NALF1: variants seen among roughly 807,000 people sequenced by gnomAD.
NALF1 encodes NALCN channel auxiliary factor 1, also known as family with sequence similarity 155 member A.
A neutral mutation model predicts 48.4 loss-of-function variants in NALF1; 3 were observed. That is an observed-to-expected ratio of 0.06 (90% CI 0.03 to 0.16). The LOEUF (loss-of-function observed/expected upper bound fraction) is 0.16, where lower values mean the gene tolerates loss of function less well. Ranked by LOEUF, NALF1 falls within the 10% of genes least tolerant of loss-of-function variation. The probability of loss-of-function intolerance (pLI) is 1.00; values close to 1 mark genes in which losing one functional copy is unlikely to be tolerated. For missense variants in NALF1, 526 were observed against 571.5 expected (o/e 0.92, Z 0.81); for synonymous variants, 262 against 245.7 (o/e 1.07, Z -0.62).
chr13:107,330,495 T>C (rs1006064197), intron 1 of NALF1, among the ~76,000 whole-genome samples: 2 of 152,232 alleles, frequency 1.3e-5, no homozygotes, highest in African/African-American at 4.8e-5. Context: ...TCTTGGTAGC[T>C]ATTAAAGTAG....
intron 1 of NALF1, among the ~76,000 whole-genome samples, chr13:107,334,619 C>A (rs1412357379): frequency 6.6e-6 from 1 of 152,146 alleles, no homozygotes; most frequent in East Asian, 1.9e-4. Flanking sequence ...AAAGTTTTTT[C>A]TTGGTAGAAA....
At chr13:107,174,418 C>A (rs1439940738) in intron 2 of NALF1, among the ~76,000 whole-genome samples, 1 of 151,418 alleles carries the variant, frequency 6.6e-6, no homozygotes, top group Admixed American at 6.6e-5. Flanking sequence ...CTCGGTGGTG[C>A]AATCTCAGCT....
intron 1 of NALF1, among the ~76,000 whole-genome samples, chr13:107,347,683 A>T (rs1882799522): frequency 6.6e-6 from 1 of 152,206 alleles, no homozygotes. Context: ...CAAAAGAAAA[A>T]GTCTGTGTTA....
At chr13:107,522,014 G>A (rs991327879) in intron 1 of NALF1, among the ~76,000 whole-genome samples, 14 of 151,646 alleles carry the variant, frequency 9.2e-5, no homozygotes, top group African/African-American at 3.1e-4. Flanking sequence ...ATCTTACTAG[G>A]TCCCTATCTT....
chr13:107,343,401 G>A (rs529497872), intron 1 of NALF1, among the ~76,000 whole-genome samples: 32 of 152,240 alleles, frequency 2.1e-4, no homozygotes, highest in African/African-American at 7.5e-4. Flanking sequence ...ATGGGGGGCA[G>A]GTCTTTCCCA....
Position 107,783,561 on chromosome 13 carries a change from A to AC in NALF1, c.915+82120dup, listed in dbSNP as rs961591360. ...TGGGATCCTGTTGATCTGTGACCTT[A>AC]CCCCCCAACCTTGTGCTCTCTGAAA... On this transcript the variant is annotated intron_variant, in intron 1 of 2. Transcript: ENST00000375915. Among the ~76,000 whole-genome samples the AC allele has an allele frequency of 5.9e-4, 90 of 152,030 alleles. 1 individual carries two copies. Among genetic ancestry groups the AC allele is most frequent in the Middle Eastern group, 3.4e-3 (1 of 294 alleles).
intron 1 of NALF1, among the ~76,000 whole-genome samples, chr13:107,517,769 A>G (rs1268077574): frequency 1.3e-5 from 2 of 152,146 alleles, no homozygotes; most frequent in African/African-American, 4.8e-5. Flanking sequence ...AGCCTGGCCA[A>G]TGTGGCGAAA....
intron 2 of NALF1, among the ~76,000 whole-genome samples, chr13:107,174,498 G>A (rs1268486077): frequency 2.0e-5 from 3 of 151,884 alleles, no homozygotes; most frequent in Non-Finnish European, 4.4e-5. Flanking sequence ...TGGAACTACA[G>A]GCTCCCGCCA....
At chr13:107,256,902 G>A (rs1446664978) in intron 1 of NALF1, among the ~76,000 whole-genome samples, 2 of 152,168 alleles carry the variant, frequency 1.3e-5, no homozygotes, top group African/African-American at 4.8e-5. Flanking sequence ...GCTTAGGGAT[G>A]CATCTAAGTC....
At chr13:107,415,948 ACT>A (rs1195292987) in intron 1 of NALF1, among the ~76,000 whole-genome samples, 2 of 152,126 alleles carry the variant, frequency 1.3e-5, no homozygotes, top group Non-Finnish European at 2.9e-5. Context: ...GTTTTCTACA[ACT>A]ATATTTGTCC....
chr13:107,498,712 T>C (rs1235897056), intron 1 of NALF1, among the ~76,000 whole-genome samples: 1 of 152,158 alleles, frequency 6.6e-6, no homozygotes, highest in Non-Finnish European at 1.5e-5. Flanking sequence ...AAGTATTAAG[T>C]AGGAGTTTGA....
intron 1 of NALF1, among the ~76,000 whole-genome samples, chr13:107,298,642 G>T (rs2138890092): frequency 6.6e-6 from 1 of 151,992 alleles, no homozygotes; most frequent in South Asian, 2.1e-4. Flanking sequence ...ATGGTGGTCA[G>T]GCTTGTCTCG....
In NALF1 at chr13:107,799,818, G is replaced by A. The variant is rs1056338595; in HGVS notation, c.915+65864C>T. On this transcript the variant is annotated intron_variant, in intron 1 of 2. Coordinates refer to ENST00000375915, the MANE Select transcript of NALF1 (RefSeq NM_001080396.3). ...TTTTTCAGGTTCCCTTTACTTTGTAGAGGAAGGTAAACACAACAGCAATAA... is the reference window on the plus strand; with the variant it reads ...TTTTTCAGGTTCCCTTTACTTTGTAAAGGAAGGTAAACACAACAGCAATAA... 1.1e-4 allele frequency among the ~76,000 whole-genome samples: 16 copies of A among 152,274 alleles called. 2 individuals carry two copies. The South Asian group carries it at 2.5e-3, about 24-fold the overall frequency.
intron 2 of NALF1, among the ~76,000 whole-genome samples, chr13:107,189,794 G>T (rs1290434937): frequency 6.6e-6 from 1 of 152,210 alleles, no homozygotes; most frequent in African/African-American, 2.4e-5. Context: ...AATGGGAAGG[G>T]TGCCTAAGGA....
intron 1 of NALF1, among the ~76,000 whole-genome samples, chr13:107,425,865 C>T (rs1368974537): frequency 6.6e-6 from 1 of 151,960 alleles, no homozygotes; most frequent in Admixed American, 6.6e-5. Flanking sequence ...TTGGATATCT[C>T]TGTACTATGA....
chr13:107,612,163 GAGGA>G (rs1283183914), intron 1 of NALF1, among the ~76,000 whole-genome samples: 1 of 139,312 alleles, frequency 7.2e-6, no homozygotes, highest in African/African-American at 2.7e-5. Context: ...GGGAGGGAGA[GAGGA>G]AGGAAGGAAG....
intron 1 of NALF1, among the ~76,000 whole-genome samples, chr13:107,268,970 T>C (rs1168407283): frequency 2.6e-5 from 4 of 152,092 alleles, no homozygotes; most frequent in Non-Finnish European, 5.9e-5. Flanking sequence ...GTTTTTCTAT[T>C]ATCTCTCTGG....
At chr13:107,320,562 C>A (rs1362317536) in intron 1 of NALF1, among the ~76,000 whole-genome samples, 1 of 151,994 alleles carries the variant, frequency 6.6e-6, no homozygotes, top group Non-Finnish European at 1.5e-5. Context: ...TAATAAAAAG[C>A]AAATCTTGAG....
At chr13:107,437,072 T>G (rs183801665) in intron 1 of NALF1, among the ~76,000 whole-genome samples, 1 of 151,798 alleles carries the variant, frequency 6.6e-6, no homozygotes, top group East Asian at 1.9e-4. Flanking sequence ...ATTAAACAAA[T>G]AGGCCTAAGA....
Sources: allele counts gnomAD v4.1 joint callset (sites outside exome capture counted in the v4.1 genomes callset), GRCh38; gene constraint gnomAD v4.1.1; transcripts MANE v1.5; gene names NCBI Gene and HGNC (gene_info 2026-07-23, HGNC 2026-07-21).